Variants in TFCP2L1 observed in about 807,000 individuals in gnomAD.
TFCP2L1 encodes the protein transcription factor CP2-like protein 1.
In TFCP2L1, 12 loss-of-function variants were observed where a neutral mutation model predicts 72.2. The ratio of observed to expected loss-of-function variants is 0.17; its 90% CI spans 0.11 to 0.27. TFCP2L1 has a LOEUF of 0.27. Ranked by LOEUF, TFCP2L1 falls within the 10% of genes least tolerant of loss-of-function variation. The pLI, the probability that TFCP2L1 is intolerant of heterozygous loss-of-function variation, is 1.00. For synonymous variants in TFCP2L1, 260 were observed against 251.0 expected (o/e 1.04, Z -0.34); for missense variants, 488 against 624.6 (o/e 0.78, Z 2.33).
intron 1 of TFCP2L1, among the ~76,000 whole-genome samples, chr2:121,283,623 C>G (rs1687307901): frequency 6.6e-6 from 1 of 152,202 alleles, no homozygotes. Flanking sequence ...ACCTCCCAGG[C>G]AAGGGAGAAT....
At chr2:121,274,099 A>G (rs1207297569) in intron 2 of TFCP2L1, among the ~76,000 whole-genome samples, 2 of 151,896 alleles carry the variant, frequency 1.3e-5, no homozygotes, top group African/African-American at 4.8e-5. Flanking sequence ...GTCTCCAAAA[A>G]AAAAAAAAAA....
At chr2:121,252,375 T>C (rs988043421) in intron 2 of TFCP2L1, among the ~76,000 whole-genome samples, 2 of 152,042 alleles carry the variant, frequency 1.3e-5, no homozygotes, top group African/African-American at 2.4e-5. Flanking sequence ...CAAAAAGCAA[T>C]TGATTAGTAC....
intron 13 of TFCP2L1, among the ~76,000 whole-genome samples, chr2:121,227,931 T>C (rs1351818656): frequency 6.6e-6 from 1 of 152,204 alleles, no homozygotes; most frequent in Non-Finnish European, 1.5e-5. Flanking sequence ...CTGCTCCATC[T>C]AGCACTCTTG....
At chr2:121,252,598 G>C (rs1009802396) in intron 2 of TFCP2L1, among the ~76,000 whole-genome samples, 4 of 152,054 alleles carry the variant, frequency 2.6e-5, no homozygotes, top group African/African-American at 9.7e-5. Flanking sequence ...AAGAGAGGAG[G>C]CACCATGTGA....
intron 6 of TFCP2L1, among the ~76,000 whole-genome samples, chr2:121,245,317 G>A (rs916438309): frequency 6.6e-6 from 1 of 152,184 alleles, no homozygotes; most frequent in Non-Finnish European, 1.5e-5. Flanking sequence ...ACACAGGCCC[G>A]CTGACACCTT....
intron 2 of TFCP2L1, among the ~76,000 whole-genome samples, chr2:121,271,976 C>T (rs978414148): frequency 4.6e-5 from 7 of 152,110 alleles, no homozygotes; most frequent in Non-Finnish European, 1.0e-4. Flanking sequence ...CCATTCCTTC[C>T]CCCCACAAAG....
chr2:121,237,467 G>A (rs181795552), intron 10 of TFCP2L1, among the ~76,000 whole-genome samples, 156 bp downstream of exon 10: 4 of 152,336 alleles, frequency 2.6e-5, no homozygotes, highest in East Asian at 1.9e-4. Context: ...ACTTGGCCCA[G>A]GGTTGGGGCA....
rs184524468 is a variant in TFCP2L1, at chr2:121,279,348, G to A, written c.214+1772C>T. ...AATGGCAAAAACCATTCCACACAGC[G>A]GCACAGATGCACACTTGGCCACATC... On this transcript the variant is annotated intron_variant, in intron 2 of 14. Coordinates refer to ENST00000263707, the MANE Select transcript of TFCP2L1 (RefSeq NM_014553.3). Among the ~76,000 whole-genome samples the A allele has an allele frequency of 1.3e-3, 193 of 152,308 alleles. 2 individuals carry two copies. The highest frequency in any genetic ancestry group is 4.5e-3 in the African/African-American group (188 of 41,562).
rs1483642425 is a variant in TFCP2L1 at position 121,218,263 on chromosome 2, T to A, written c.*6078A>T. On this transcript the variant is annotated 3_prime_UTR_variant, in exon 15 of 15. Coordinates refer to ENST00000263707, the MANE Select transcript of TFCP2L1 (RefSeq NM_014553.3). ...AATACAATAATTGAGTACATATTTT[T>A]GGTAAATACATGTCTACTAAAAATA... 6.6e-6 allele frequency: 1 copy of A among 152,242 alleles called. No homozygotes were observed. The highest frequency in any genetic ancestry group is 1.5e-5 in the Non-Finnish European group (1 of 68,046). The allele number at this position is 152,242 out of a possible 1,614,324, so 9.4% of individuals were successfully genotyped here. A position where few individuals can be genotyped will look rare whatever the true frequency, so the allele number is the denominator to read the frequency against.
chr2:121,280,452 G>A (rs1164007432), intron 2 of TFCP2L1, among the ~76,000 whole-genome samples: 2 of 152,098 alleles, frequency 1.3e-5, no homozygotes, highest in Non-Finnish European at 2.9e-5. Flanking sequence ...ACACAATCAT[G>A]GTCACAATAA....
intron 13 of TFCP2L1, among the ~76,000 whole-genome samples, chr2:121,226,341 C>T (rs994557926): frequency 6.6e-6 from 1 of 151,086 alleles, no homozygotes. Flanking sequence ...GAGGCCCAAA[C>T]GGGAATCAAG....
chr2:121,227,954 C>T (rs889108011), intron 13 of TFCP2L1, among the ~76,000 whole-genome samples: 5 of 152,242 alleles, frequency 3.3e-5, no homozygotes, highest in Non-Finnish European at 7.3e-5. Flanking sequence ...AGCCCAGCCA[C>T]TTGGGCATGC....
chr2:121,281,290 A>C lies in TFCP2L1; in HGVS notation c.63-19T>G. On this transcript the variant is annotated intron_variant, in intron 1 of 14. Coordinates refer to ENST00000263707, the MANE Select transcript of TFCP2L1 (RefSeq NM_014553.3). ...CACATCACTGCAACACACGGGAAGC[A>C]GAGGTCAGGAGCAGAGCCCCAGGGG... 1 of 1,579,024 alleles carries C rather than the reference A, an allele frequency of 6.3e-7. No homozygotes were observed. The highest frequency in any genetic ancestry group is 1.4e-5 in the African/African-American group (1 of 73,820).
intron 12 of TFCP2L1, 50 bp downstream of exon 12, chr2:121,234,041 A>G (rs527302483): frequency 6.5e-7 from 1 of 1,544,808 alleles, no homozygotes; most frequent in East Asian, 2.2e-5. Flanking sequence ...CTTGAAAGCC[A>G]GGCTGCGGGA....
intron 2 of TFCP2L1, among the ~76,000 whole-genome samples, chr2:121,263,658 T>A (rs1686873199): frequency 6.6e-6 from 1 of 152,054 alleles, no homozygotes; most frequent in Non-Finnish European, 1.5e-5. Flanking sequence ...GTACAAGAGG[T>A]AGGGATATAA....
At chr2:121,249,123 CG>C in intron 3 of TFCP2L1, 36 bp from the exon 4 acceptor site, 3 of 1,474,918 alleles carry the variant, frequency 2.0e-6, no homozygotes, top group Admixed American at 4.6e-5. Flanking sequence ...CAAGTGACCG[CG>C]GGGGGCCAAG....
chr2:121,249,451 G>C, intron 3 of TFCP2L1, 120 bp downstream of exon 3: 1 of 892,792 alleles, frequency 1.1e-6, no homozygotes. Context: ...TGAGGGCTGA[G>C]CTGAACCCGG....
rs747471985 is a variant in TFCP2L1, at chr2:121,248,290, T to C, written c.398-20A>G. 5 of 1,555,214 alleles carry C rather than the reference T, an allele frequency of 3.2e-6. No individual in the cohort carries two copies. The highest frequency in any genetic ancestry group is 1.7e-5 in the Admixed American group (1 of 58,224). ...GAATATCTGCATACACACACACACATACAGAAAGTGCAATTGTCAGCCTCT... is the reference window on the plus strand; with the variant it reads ...GAATATCTGCATACACACACACACACACAGAAAGTGCAATTGTCAGCCTCT... On this transcript the variant is annotated intron_variant, in intron 4 of 14. Coordinates refer to ENST00000263707, the MANE Select transcript of TFCP2L1 (RefSeq NM_014553.3).
At chr2:121,264,413 G>C (rs1027376913) in intron 2 of TFCP2L1, among the ~76,000 whole-genome samples, 3 of 152,182 alleles carry the variant, frequency 2.0e-5, no homozygotes, top group Admixed American at 6.5e-5. Context: ...GGGAAGGCGG[G>C]GACAGCCAGG....
Sources: allele counts gnomAD v4.1 joint callset (sites outside exome capture counted in the v4.1 genomes callset), GRCh38; gene constraint gnomAD v4.1.1; transcripts MANE v1.5; gene names NCBI Gene and HGNC (gene_info 2026-07-23, HGNC 2026-07-21).